The following NRCAM variants were observed in gnomAD, a reference collection of about 807,000 sequenced individuals.
The protein encoded by NRCAM is NgCAM-related cell adhesion molecule.
Under a neutral mutation model 156.5 loss-of-function variants are expected in NRCAM, and 83 were observed. The observed-to-expected ratio is 0.53, with a 90% CI of 0.44 to 0.64. The LOEUF (loss-of-function observed/expected upper bound fraction) is 0.64. Among genes scored for constraint, NRCAM ranks in the 30% least tolerant of loss-of-function variants. The pLI, the probability that NRCAM is intolerant of heterozygous loss-of-function variation, is 0.00. For synonymous variants in NRCAM, 538 were observed against 563.9 expected (o/e 0.95, Z 0.65); for missense variants, 1,417 against 1,597.3 (o/e 0.89, Z 1.92).
intron 2 of NRCAM, among the ~76,000 whole-genome samples, chr7:108,393,049 G>C (rs911461629): frequency 1.3e-5 from 2 of 152,260 alleles, no homozygotes; most frequent in South Asian, 4.2e-4. Flanking sequence ...TCCATTCTCA[G>C]ATCTCAAACT....
intron 3 of NRCAM, among the ~76,000 whole-genome samples, chr7:108,251,991 C>T (rs2096379640): frequency 6.6e-6 from 1 of 152,086 alleles, no homozygotes; most frequent in Admixed American, 6.5e-5. Flanking sequence ...CCTGGCAGAG[C>T]ATCCAACAGA....
chr7:108,189,618 G>T, intron 20 of NRCAM, 27 bp downstream of exon 20: 1 of 931,700 alleles, frequency 1.1e-6, no homozygotes, highest in Non-Finnish European at 1.8e-6. Flanking sequence ...TTAGTTGATC[G>T]GAAATAGAGC....
chr7:108,318,405 C>T (rs1003274855), intron 2 of NRCAM, among the ~76,000 whole-genome samples: 1 of 152,046 alleles, frequency 6.6e-6, no homozygotes, highest in Non-Finnish European at 1.5e-5. Flanking sequence ...TCCCAGGCTA[C>T]ACAATAATCA....
intron 2 of NRCAM, among the ~76,000 whole-genome samples, chr7:108,366,777 G>T (rs1345304886): frequency 1.3e-5 from 2 of 152,130 alleles, no homozygotes; most frequent in African/African-American, 4.8e-5. Flanking sequence ...TGTACAGCTG[G>T]AATTCAATGC....
chr7:108,389,657 G>C (rs2154372938), intron 2 of NRCAM, among the ~76,000 whole-genome samples: 1 of 152,236 alleles, frequency 6.6e-6, no homozygotes, highest in South Asian at 2.1e-4. Context: ...AATGCTTCCA[G>C]TTTTTGTCCA....
intron 1 of NRCAM, among the ~76,000 whole-genome samples, chr7:108,404,512 T>C (rs1461262113): frequency 6.6e-6 from 1 of 152,228 alleles, no homozygotes; most frequent in Non-Finnish European, 1.5e-5. Context: ...AACTTCTCAA[T>C]GGCTCATCAT....
At chr7:108,215,691 T>C (rs1211552247) in intron 11 of NRCAM, among the ~76,000 whole-genome samples, 2 of 152,002 alleles carry the variant, frequency 1.3e-5, no homozygotes, top group Middle Eastern at 3.4e-3. Context: ...TCTTTGCTGG[T>C]TTAAAGTCTG....
chr7:108,239,938 CTTTAAAACG>C lies in NRCAM; in HGVS notation c.106+12_106+20del. ...AGGCTTTGACTCCTGGGCCTAACAG[CTTTAAAACG>C]TTAATACTTACGATCAAGAGGTACT... is the stretch of plus-strand genomic sequence containing the variant. On this transcript the variant is annotated intron_variant, in intron 4 of 32. Coordinates refer to ENST00000379028, the MANE Select transcript of NRCAM (RefSeq NM_001037132.4). 6.5e-7 allele frequency: 1 copy of C among 1,534,330 alleles called. No homozygotes were observed. The highest frequency in any genetic ancestry group is 9.0e-7 in the Non-Finnish European group (1 of 1,109,740).
intron 2 of NRCAM, among the ~76,000 whole-genome samples, chr7:108,315,998 T>C (rs1563232054): frequency 6.6e-6 from 1 of 152,250 alleles, no homozygotes; most frequent in Non-Finnish European, 1.5e-5. Context: ...TGTTGTCATA[T>C]ACATAAATGT....
At chr7:108,162,257 C>T (rs73412389) in intron 30 of NRCAM, among the ~76,000 whole-genome samples, 24,308 of 152,148 alleles carry the variant, frequency 0.16, 2,591 homozygotes, top group African/African-American at 0.31. Flanking sequence ...CTGCAAAAAT[C>T]TTAAGTTAAA....
At chr7:108,429,274 C>T (rs965835050) in intron 1 of NRCAM, among the ~76,000 whole-genome samples, 3 of 152,244 alleles carry the variant, frequency 2.0e-5, no homozygotes, top group Non-Finnish European at 2.9e-5. Context: ...TCACTGCAAC[C>T]TCTGCCTCCT....
Position 108,281,601 on chromosome 7 carries a change from T to C in NRCAM, c.-107+31064A>G, listed in dbSNP as rs368522056. ...GGGGTCTAGCTGGCTGCCCAGGAGC[T>C]AAGGGAGGGGTTATACACTTGGACC... On this transcript the variant is annotated intron_variant, in intron 3 of 32. Transcript: ENST00000379028. Among the ~76,000 whole-genome samples the C allele has an allele frequency of 2.2e-4, 33 of 152,218 alleles. 1 individual carries two copies. In the East Asian group the frequency reaches 5.8e-3, roughly 27 times the overall value.
intron 3 of NRCAM, among the ~76,000 whole-genome samples, chr7:108,301,140 G>T (rs1386451065): frequency 6.6e-6 from 1 of 152,044 alleles, no homozygotes; most frequent in African/African-American, 2.4e-5. Flanking sequence ...AACATAATCT[G>T]CAAAGAATTC....
chr7:108,184,067 G>C (rs1249556488), intron 22 of NRCAM, among the ~76,000 whole-genome samples, 174 bp downstream of exon 22: 2 of 151,552 alleles, frequency 1.3e-5, no homozygotes, highest in African/African-American at 4.9e-5. Flanking sequence ...CAAGCTTTTA[G>C]CAACTATATA....
At chr7:108,381,172 T>C (rs117451036) in intron 2 of NRCAM, among the ~76,000 whole-genome samples, 71 of 152,334 alleles carry the variant, frequency 4.7e-4, no homozygotes, top group East Asian at 3.3e-3. Context: ...ATATGTGTCA[T>C]TGTAATGAAA....
chr7:108,226,638 T>C (rs1426031312), intron 8 of NRCAM, among the ~76,000 whole-genome samples: 1 of 152,040 alleles, frequency 6.6e-6, no homozygotes, highest in Non-Finnish European at 1.5e-5. Flanking sequence ...TACAGTGAAA[T>C]CTTTTTTTAA....
At chr7:108,303,411 T>G (rs530436299) in intron 3 of NRCAM, among the ~76,000 whole-genome samples, 1 of 152,296 alleles carries the variant, frequency 6.6e-6, no homozygotes, top group South Asian at 2.1e-4. Flanking sequence ...GCTAGGACAG[T>G]GGCCCAAGCT....
At chr7:108,207,980 G>C (rs760113256) in intron 12 of NRCAM, among the ~76,000 whole-genome samples, 67 of 152,070 alleles carry the variant, frequency 4.4e-4, no homozygotes, top group Non-Finnish European at 9.0e-4. Flanking sequence ...TACATGTACA[G>C]GTAGGGCTAA....
At chr7:108,449,189 G>A (rs1847700557) in intron 1 of NRCAM, among the ~76,000 whole-genome samples, 2 of 152,264 alleles carry the variant, frequency 1.3e-5, no homozygotes, top group East Asian at 1.9e-4. Flanking sequence ...TCAACATTTC[G>A]GGTGTGCCAT....
Sources: allele counts gnomAD v4.1 joint callset (sites outside exome capture counted in the v4.1 genomes callset), GRCh38; gene constraint gnomAD v4.1.1; transcripts MANE v1.5; gene names NCBI Gene and HGNC (gene_info 2026-07-23, HGNC 2026-07-21).